Variants in TFAP2C observed in about 807,000 individuals in gnomAD.
The protein encoded by TFAP2C is activating enhancer-binding protein 2 gamma.
A neutral mutation model predicts 42.9 loss-of-function variants in TFAP2C; 9 were observed. The ratio of observed to expected loss-of-function variants is 0.21; its 90% CI spans 0.13 to 0.37. The LOEUF (loss-of-function observed/expected upper bound fraction) is 0.37, where lower values mean the gene tolerates loss of function less well. TFAP2C is among the 10% of genes least tolerant of loss of function. TFAP2C has a pLI of 1.00. For missense variants in TFAP2C, 462 were observed against 591.7 expected (o/e 0.78, Z 2.27); for synonymous variants, 264 against 256.0 (o/e 1.03, Z -0.30).
intron 3 of TFAP2C, among the ~76,000 whole-genome samples, chr20:56,632,107 G>C (rs915281462): frequency 1.3e-5 from 2 of 152,212 alleles, no homozygotes; most frequent in African/African-American, 4.8e-5. Context: ...ATGAATTCCA[G>C]TGGGTGTTTC....
Position 56,638,608 on chromosome 20 carries a change from CT to C in TFAP2C, c.*596del, listed in dbSNP as rs1987631177. On this transcript the variant is annotated 3_prime_UTR_variant, in exon 7 of 7. Transcript: ENST00000201031. Reference sequence around the variant, plus strand: ...AACCCCGTGTTCAAACGGGGGCCTTCTGGTTTTAGGAAACTTGTAGAAACGA... The same window carrying C: ...AACCCCGTGTTCAAACGGGGGCCTTCGGTTTTAGGAAACTTGTAGAAACGA... 6.7e-6 allele frequency: 1 copy of C among 149,100 alleles called. No individual in the cohort carries two copies. The highest frequency in any genetic ancestry group is 2.1e-4 in the South Asian group (1 of 4,686). The allele number at this position is 149,100 out of a possible 1,614,324, so 9.2% of individuals were successfully genotyped here. A position where few individuals can be genotyped will look rare whatever the true frequency, so the allele number is the denominator to read the frequency against.
chr20:56,638,073 C>A lies in TFAP2C; in HGVS notation c.*60C>A. On this transcript the variant is annotated 3_prime_UTR_variant, in exon 7 of 7. Coordinates refer to ENST00000201031, the MANE Select transcript of TFAP2C (RefSeq NM_003222.4). ...GGAACAGGACTGCAAAAATCCTTCT[C>A]CACCGCACAGACTGGGAACCCCTCC... is the stretch of plus-strand genomic sequence containing the variant. 6.7e-7 allele frequency: 1 copy of A among 1,485,408 alleles called. No individual in the cohort carries two copies. The highest frequency in any genetic ancestry group is 9.1e-7 in the Non-Finnish European group (1 of 1,098,262). 92.0% of individuals were successfully genotyped at this position (1,485,408 alleles called of 1,614,324 possible).
intron 6 of TFAP2C, 92 bp downstream of exon 6, chr20:56,636,846 A>G (rs77470937): frequency 1.4e-6 from 2 of 1,423,658 alleles, no homozygotes; most frequent in Admixed American, 2.5e-5. Context: ...TGGCTCAACA[A>G]AGAAATATTC....
At chr20:56,636,408 TC>T (rs1987583897) in intron 5 of TFAP2C, among the ~76,000 whole-genome samples, 1 of 151,878 alleles carries the variant, frequency 6.6e-6, no homozygotes, top group African/African-American at 2.4e-5. Context: ...ATGTCTGTAA[TC>T]CCAGCTATTC....
At chr20:56,633,149 A>G (rs998801642) in intron 3 of TFAP2C, among the ~76,000 whole-genome samples, 6 of 151,894 alleles carry the variant, frequency 4.0e-5, no homozygotes, top group African/African-American at 1.4e-4. Flanking sequence ...GTGAGCAGAG[A>G]TCACACCACT....
At chr20:56,634,903 G>T (rs1987556132) in intron 5 of TFAP2C, among the ~76,000 whole-genome samples, 1 of 152,154 alleles carries the variant, frequency 6.6e-6, no homozygotes, top group African/African-American at 2.4e-5. Context: ...CAGTAGCCAA[G>T]AATGCAACAC....
chr20:56,634,008 A>G (rs1987542276), intron 4 of TFAP2C, 142 bp from the exon 5 acceptor site: 1 of 665,878 alleles, frequency 1.5e-6, no homozygotes, highest in Non-Finnish European at 2.7e-6. Flanking sequence ...ATCACTTTTC[A>G]TTATGGTTCA....
At position 56,631,120 on chromosome 20, in the gene TFAP2C, C is replaced by T; in HGVS notation, c.49-85C>T. 6.8e-7 allele frequency: 1 copy of T among 1,461,698 alleles called. No homozygotes were observed. Among genetic ancestry groups the T allele is most frequent in the Non-Finnish European group, 9.0e-7 (1 of 1,112,756 alleles). The allele number at this position is 1,461,698 out of a possible 1,614,324, so 90.5% of individuals were successfully genotyped here. A position where few individuals can be genotyped will look rare whatever the true frequency, so the allele number is the denominator to read the frequency against. On this transcript the variant is annotated intron_variant, in intron 1 of 6. Transcript: ENST00000201031. The surrounding 1 kb of genome is among the most constrained non-coding windows in gnomAD (Gnocchi z 6.1). The stretch of plus-strand genomic sequence containing the variant: ...GGGGTGCGGTTGGTCCCCCGGGGCC[C>T]TCTGCGTAGCCCGGCGATGCCGGCC...
intron 6 of TFAP2C, 73 bp downstream of exon 6, chr20:56,636,827 C>T: frequency 6.7e-7 from 1 of 1,503,320 alleles, no homozygotes; most frequent in Non-Finnish European, 9.0e-7. Flanking sequence ...TCCCCCTCCA[C>T]AGTCCCGATG....
In TFAP2C at chr20:56,638,551, A is replaced by T. The variant is rs2146450639; in HGVS notation, c.*538A>T. 1 of 153,912 alleles carries T rather than the reference A, an allele frequency of 6.5e-6. No individual in the cohort carries two copies. Among genetic ancestry groups the T allele is most frequent in the East Asian group, 1.9e-4 (1 of 5,208 alleles). The allele number at this position is 153,912 out of a possible 1,614,324, so 9.5% of individuals were successfully genotyped here. On this transcript the variant is annotated 3_prime_UTR_variant, in exon 7 of 7. Transcript: ENST00000201031. ...AGGCAAAGGTTCTATCTGCTTAGCA[A>T]CTAGTTAATAAGTGGTATCTGACAC...
Position 56,629,436 on chromosome 20 carries a change from G to GGGCGGCGGC in TFAP2C, c.-108_-100dup. The GGGCGGCGGC allele has an allele frequency of 9.7e-7, 1 of 1,027,536 alleles. No homozygotes were observed. Among genetic ancestry groups the GGGCGGCGGC allele is most frequent in the Non-Finnish European group, 1.3e-6 (1 of 763,700 alleles). 63.7% of individuals were successfully genotyped at this position (1,027,536 alleles called of 1,614,324 possible). ...GGACAGCAAGGCCCGCGCGCGGCGG[G>GGGCGGCGGC]GGCGGCGGCAGACGCCTGGTCACCG... On this transcript the variant is annotated 5_prime_UTR_variant, in exon 1 of 7. Coordinates refer to ENST00000201031, the MANE Select transcript of TFAP2C (RefSeq NM_003222.4). This position sits in a 1 kb window ranked among gnomAD's most constrained non-coding sequence, Gnocchi z 5.9.
At chr20:56,633,225 CAGTTG>C (rs1987527727) in intron 3 of TFAP2C, 123 bp from the exon 4 acceptor site, 1 of 658,272 alleles carries the variant, frequency 1.5e-6, no homozygotes, top group African/African-American at 1.8e-5. Flanking sequence ...AGTCAGCCTG[CAGTTG>C]ATCGTGGGGT....
chr20:56,637,825 T>C lies in TFAP2C; in HGVS notation c.1165T>C (p.Cys389Arg), dbSNP rs763712130. The change falls in exon 7 of 7, where the codon TGC becomes CGC. Residue 389 changes from cysteine (C) to arginine (R), a missense_variant. Around this residue, in one of 5 missense-constraint regions of TFAP2C, gnomAD observed 130 missense variants for 160.8 expected, o/e 0.81. Transcript: ENST00000201031. ...APVLETNIQN[C>R]LSHFSLITHG... ...AGTCTTGGAGACGAACATACAGAAC[T>C]GCTTGTCTCATTTCAGCCTGATTAC... 1.4e-5 allele frequency: 23 copies of C among 1,612,552 alleles called. No individual in the cohort carries two copies. The East Asian group carries it at 4.9e-4, about 34-fold the overall frequency.
Position 56,629,406 on chromosome 20 carries a change from G to A in TFAP2C, c.-139G>A. 3.0e-6 allele frequency: 2 copies of A among 658,182 alleles called. No individual in the cohort carries two copies. The highest frequency in any genetic ancestry group is 6.7e-4 in the Middle Eastern group (2 of 3,004). The allele number at this position is 658,182 out of a possible 1,614,324, so 40.8% of individuals were successfully genotyped here. On this transcript the variant is annotated 5_prime_UTR_variant, in exon 1 of 7. The change abolishes the stop of an existing upstream ORF in the 5' untranslated region. Transcript: ENST00000201031. This position sits in a 1 kb window ranked among gnomAD's most constrained non-coding sequence, Gnocchi z 5.9. ...GCAGAGCCGCCGATGCGTGTCCAGTGACCCGGACAGCAAGGCCCGCGCGCG... is the reference window on the plus strand; with the variant it reads ...GCAGAGCCGCCGATGCGTGTCCAGTAACCCGGACAGCAAGGCCCGCGCGCG...
chr20:56,637,641 G>T, intron 6 of TFAP2C, 87 bp from the exon 7 acceptor site: 1 of 1,361,996 alleles, frequency 7.3e-7, no homozygotes. Flanking sequence ...TTGCCTCCCG[G>T]GCGCCAGCCT....
In TFAP2C at chr20:56,631,660, C is replaced by T. The variant is rs1374158707; in HGVS notation, c.504C>T (p.His168=). ...GCCTGGCCGAGAACCTGGGGCTCCA[C>T]GACATGCCTCACCAGATGGACGAGG... ...AAGLAENLGL[H]DMPHQMDEVQ... The change falls in exon 2 of 7, where the codon CAC becomes CAT. Residue 168 remains histidine, a synonymous_variant. Transcript: ENST00000201031. This position sits in a 1 kb window ranked among gnomAD's most constrained non-coding sequence, Gnocchi z 6.1. 1.9e-6 allele frequency: 3 copies of T among 1,586,130 alleles called. No individual in the cohort carries two copies. Among genetic ancestry groups the T allele is most frequent in the Admixed American group, 3.4e-5 (2 of 58,098 alleles).
rs1038078511 is a variant in TFAP2C at position 56,631,953 on chromosome 20, C to G, written c.586+97C>G. 5.1e-6 allele frequency: 7 copies of G among 1,381,044 alleles called. No individual in the cohort carries two copies. In the African/African-American group the frequency reaches 1.0e-4, roughly 20 times the overall value. The allele number at this position is 1,381,044 out of a possible 1,614,324, so 85.5% of individuals were successfully genotyped here. A position where few individuals can be genotyped will look rare whatever the true frequency, so the allele number is the denominator to read the frequency against. ...GGGGTATTTGGTGGCCAGCGTGGGA[C>G]ATTTGTGGTAGAAGGGACTGAAAGG... On this transcript the variant is annotated intron_variant, in intron 3 of 6. Coordinates refer to ENST00000201031, the MANE Select transcript of TFAP2C (RefSeq NM_003222.4). The surrounding 1 kb of genome is among the most constrained non-coding windows in gnomAD (Gnocchi z 6.1).
chr20:56,630,641 C>A lies in TFAP2C; in HGVS notation c.49-564C>A, dbSNP rs1987469984. The A allele has an allele frequency of 1.0e-6, 1 of 963,240 alleles. No homozygotes were observed. Among genetic ancestry groups the A allele is most frequent in the Non-Finnish European group, 1.2e-6 (1 of 809,866 alleles). 59.7% of individuals were successfully genotyped at this position (963,240 alleles called of 1,614,324 possible). A position where few individuals can be genotyped will look rare whatever the true frequency, so the allele number is the denominator to read the frequency against. ...CACTTCCCAGGGCGGCGCAGGGTGG[C>A]GGGCCCTGCTTTCCGAGCGCCGCCC... On this transcript the variant is annotated intron_variant, in intron 1 of 6. Transcript: ENST00000201031. The surrounding 1 kb of genome is among the most constrained non-coding windows in gnomAD (Gnocchi z 5.1).
intron 5 of TFAP2C, among the ~76,000 whole-genome samples, chr20:56,636,003 T>C (rs1338778192): frequency 1.3e-5 from 2 of 152,212 alleles, no homozygotes; most frequent in Non-Finnish European, 2.9e-5. Flanking sequence ...CCCGAATCTT[T>C]TCAATCTGAG....
Sources: gnomAD v4.1 joint callset for allele counts (sites outside exome capture counted in the v4.1 genomes callset) on GRCh38, gnomAD v4.1.1 for gene constraint, gnomAD v4.1.1 regional missense constraint, Gnocchi (gnomAD v3.1) non-coding constraint, MANE v1.5 for transcripts, NCBI Gene and HGNC (gene_info 2026-07-23, HGNC 2026-07-21) for gene names.